RYR2: variants seen among roughly 807,000 people sequenced by gnomAD.
The protein encoded by RYR2 is ryanodine receptor 2.
Under a neutral mutation model 601.1 loss-of-function variants are expected in RYR2, and 227 were observed. The ratio of observed to expected loss-of-function variants is 0.38; its 90% CI spans 0.34 to 0.42. The LOEUF (loss-of-function observed/expected upper bound fraction) is 0.42, where lower values mean the gene tolerates loss of function less well. Ranked by LOEUF, RYR2 falls within the 10% of genes least tolerant of loss-of-function variation. RYR2 has a pLI of 1.00. For missense variants in RYR2, 4,646 were observed against 6,156.5 expected (o/e 0.75, Z 8.21); for synonymous variants, 2,223 against 2,175.1 (o/e 1.02, Z -0.61).
chr1:237,091,409 G>A (rs1251613478), intron 1 of RYR2, among the ~76,000 whole-genome samples: 1 of 84,042 alleles, frequency 1.2e-5, no homozygotes. Context: ...AAACACCAGG[G>A]ACTTTTCTTT....
At chr1:237,310,526 C>A (rs538152117) in intron 2 of RYR2, among the ~76,000 whole-genome samples, 533 of 152,284 alleles carry the variant, frequency 3.5e-3, no homozygotes, top group Non-Finnish European at 5.6e-3. Flanking sequence ...CCTACTTGAT[C>A]CTTTTCTTTT....
At chr1:237,290,967 CT>C (rs1558566052) in intron 2 of RYR2, among the ~76,000 whole-genome samples, 1 of 152,088 alleles carries the variant, frequency 6.6e-6, no homozygotes, top group Non-Finnish European at 1.5e-5. Context: ...TTGGCAAAAG[CT>C]TTTGAGTTTG....
chr1:237,715,361 A>G (rs1689187204), intron 71 of RYR2, among the ~76,000 whole-genome samples: 1 of 152,230 alleles, frequency 6.6e-6, no homozygotes, highest in Non-Finnish European at 1.5e-5. Context: ...TTTATTGCTT[A>G]TAGATTTAAT....
Position 237,374,428 on chromosome 1 carries a change from TAGG to T in RYR2, c.385-284_385-282del. 3.3e-5 allele frequency among the ~76,000 whole-genome samples: 5 copies of T among 151,354 alleles called. No individual in the cohort carries two copies. The Middle Eastern group carries it at 0.017, about 529-fold the overall frequency. On this transcript the variant is annotated intron_variant, in intron 6 of 104. Coordinates refer to ENST00000366574, the MANE Select transcript of RYR2 (RefSeq NM_001035.3). ...GTCCCAGCTACTTGGGAACCTGAGGTAGGAGGATCACTTGAGTCTAGGAGTTCA... is the reference window on the plus strand; with the variant it reads ...GTCCCAGCTACTTGGGAACCTGAGGTAGGATCACTTGAGTCTAGGAGTTCA...
chr1:237,508,734 C>CTTT (rs869044432), intron 23 of RYR2, among the ~76,000 whole-genome samples: 10 of 77,642 alleles, frequency 1.3e-4, no homozygotes, highest in African/African-American at 2.5e-4. Flanking sequence ...TTCGGGTTTT[C>CTTT]TTTTTTTTTT....
In RYR2 at chr1:237,706,945, C is replaced by T. The variant is rs1483124656; in HGVS notation, c.9581-4C>T. ...ATCATCCATTTTTATATGTACTTCT[C>T]CAGCTCTCAGTTTGCCAACTAATGT... On this transcript the variant is annotated splice_region_variant and splice_polypyrimidine_tract_variant and intron_variant, in intron 67 of 104. Transcript: ENST00000366574. The T allele has an allele frequency of 2.3e-5, 37 of 1,607,682 alleles. No individual in the cohort carries two copies. Among genetic ancestry groups the T allele is most frequent in the Non-Finnish European group, 2.8e-5 (33 of 1,174,604 alleles).
chr1:237,190,139 T>C (rs1679811321), intron 1 of RYR2, among the ~76,000 whole-genome samples: 1 of 152,200 alleles, frequency 6.6e-6, no homozygotes, highest in Admixed American at 6.5e-5. Flanking sequence ...TCTGCCTGCT[T>C]TGGCCTCCCA....
chr1:237,577,791 C>A (rs1559055704), intron 29 of RYR2, among the ~76,000 whole-genome samples: 1 of 152,078 alleles, frequency 6.6e-6, no homozygotes, highest in Middle Eastern at 3.4e-3. Context: ...ATCCACGGTC[C>A]ACTTCTGTGT....
chr1:237,831,448 A>T, intron 103 of RYR2, 66 bp from the exon 104 acceptor site: 3 of 874,450 alleles, frequency 3.4e-6, no homozygotes, highest in Non-Finnish European at 5.6e-6. Context: ...AATTTATCTA[A>T]ATATGCCCTG....
At chr1:237,276,902 A>G (rs1413438943) in intron 2 of RYR2, among the ~76,000 whole-genome samples, 1 of 152,250 alleles carries the variant, frequency 6.6e-6, no homozygotes, top group Non-Finnish European at 1.5e-5. Flanking sequence ...TAATAAAAGA[A>G]GGAAAAGTTT....
chr1:237,546,981 A>ATT (rs1337518858), intron 25 of RYR2, among the ~76,000 whole-genome samples: 16 of 112,186 alleles, frequency 1.4e-4, no homozygotes, highest in South Asian at 1.2e-3. Flanking sequence ...AAAAGCATAT[A>ATT]TATATATATA....
chr1:237,112,366 G>A (rs1238085334), intron 1 of RYR2, among the ~76,000 whole-genome samples: 3 of 152,026 alleles, frequency 2.0e-5, no homozygotes, highest in African/African-American at 4.8e-5. Context: ...CGCCCGCCTC[G>A]GCCTCCCAGA....
intron 60 of RYR2, among the ~76,000 whole-genome samples, chr1:237,676,004 T>C (rs1160968754): frequency 1.3e-5 from 2 of 152,172 alleles, no homozygotes; most frequent in African/African-American, 4.8e-5. Flanking sequence ...TCCTGACTTA[T>C]CCTGATACGT....
At chr1:237,073,652 C>A (rs1365532378) in intron 1 of RYR2, among the ~76,000 whole-genome samples, 1 of 151,986 alleles carries the variant, frequency 6.6e-6, no homozygotes, top group East Asian at 1.9e-4. Flanking sequence ...GGGCGGACAC[C>A]TGAGGTCAGG....
intron 79 of RYR2, among the ~76,000 whole-genome samples, chr1:237,737,803 A>G (rs61830282): frequency 0.026 from 4,032 of 152,290 alleles, 87 homozygotes; most frequent in East Asian, 0.051. Flanking sequence ...ACATACTTTT[A>G]TAAAACTCAT....
chr1:237,497,484 A>G (rs974827281), intron 20 of RYR2, among the ~76,000 whole-genome samples: 3 of 152,200 alleles, frequency 2.0e-5, no homozygotes, highest in African/African-American at 4.8e-5. Context: ...TTAGATGTTA[A>G]AATTCATCTG....
chr1:237,647,855 A>G (rs1401296939), intron 48 of RYR2, among the ~76,000 whole-genome samples: 2 of 152,252 alleles, frequency 1.3e-5, no homozygotes, highest in Non-Finnish European at 2.9e-5. Flanking sequence ...TAAGGAATTC[A>G]CTAATCTCTA....
At chr1:237,518,218 A>G (rs1666748091) in intron 24 of RYR2, among the ~76,000 whole-genome samples, 1 of 152,114 alleles carries the variant, frequency 6.6e-6, no homozygotes, top group East Asian at 1.9e-4. Flanking sequence ...AACAGATCCA[A>G]TTGAAATACA....
intron 98 of RYR2, chr1:237,802,406 C>T (rs753874687): frequency 2.6e-5 from 4 of 152,018 alleles, no homozygotes; most frequent in Non-Finnish European, 4.4e-5. Flanking sequence ...TACTAAAAAC[C>T]GCCAGGTGTC....
Sources: allele counts gnomAD v4.1 joint callset (sites outside exome capture counted in the v4.1 genomes callset), GRCh38; gene constraint gnomAD v4.1.1; transcripts MANE v1.5; gene names NCBI Gene and HGNC (gene_info 2026-07-23, HGNC 2026-07-21).